The following MT1X variants were observed in gnomAD, a reference collection of about 807,000 sequenced individuals.
MT1X encodes metallothionein 1X.
In MT1X, 7 loss-of-function variants were observed where a neutral mutation model predicts 8.6. The observed-to-expected ratio is 0.81, with a 90% CI of 0.46 to 1.52. MT1X has a LOEUF of 1.52. Ranked by LOEUF, MT1X falls within the 40% of genes most tolerant of loss-of-function variation. MT1X has a pLI of 0.01. For missense variants in MT1X, 72 were observed against 74.3 expected (o/e 0.97, Z 0.11); for synonymous variants, 25 against 27.6 (o/e 0.91, Z 0.30).
intron 2 of MT1X, chr16:56,683,625 G>T: frequency 2.5e-6 from 1 of 397,146 alleles, no homozygotes; most frequent in South Asian, 2.8e-5. Flanking sequence ...GCCTTCCCCA[G>T]AACTGCTGTG....
chr16:56,683,343 C>A, intron 2 of MT1X, 113 bp downstream of exon 2: 3 of 1,229,146 alleles, frequency 2.4e-6, no homozygotes, highest in Non-Finnish European at 3.5e-6. Context: ...ACCCCTCCTT[C>A]AACACCTGAT....
chr16:56,683,086 G>T, intron 1 of MT1X, 79 bp from the exon 2 acceptor site: 4 of 1,546,124 alleles, frequency 2.6e-6, no homozygotes, highest in Non-Finnish European at 3.6e-6. Flanking sequence ...CAGAGGAGGG[G>T]TCACTGAAGC....
rs1218087637 is a variant in MT1X, at chr16:56,683,242, G to A, written c.94+12G>A. The A allele has an allele frequency of 1.2e-6, 2 of 1,613,602 alleles. No individual in the cohort carries two copies. The highest frequency in any genetic ancestry group is 1.7e-5 in the Admixed American group (1 of 59,982). Reference sequence around the variant, plus strand: ...CTCCTGCAAGAAGAGTGAGTGCAGGGCCTTCCCTGCGAATCTGGGGGATGG... The same window carrying A: ...CTCCTGCAAGAAGAGTGAGTGCAGGACCTTCCCTGCGAATCTGGGGGATGG... On this transcript the variant is annotated intron_variant, in intron 2 of 2. Transcript: ENST00000394485.
rs1961015426 is a variant in MT1X, at chr16:56,682,629, TC to T, written c.28+63del. On this transcript the variant is annotated intron_variant, in intron 1 of 2. Coordinates refer to ENST00000394485, the MANE Select transcript of MT1X (RefSeq NM_005952.4). ...GTTTCCCAGCCACAGTACAGACTCT[TC>T]CTGGGTTTGAAGAAGTCGCATTTAA... 1.9e-6 allele frequency: 3 copies of T among 1,598,842 alleles called. No homozygotes were observed. In the South Asian group the frequency reaches 3.3e-5, roughly 18 times the overall value.
intron 2 of MT1X, chr16:56,683,607 C>A (rs62038753): frequency 2.6e-6 from 1 of 385,128 alleles, no homozygotes; most frequent in Admixed American, 4.2e-5. Flanking sequence ...TAGCCCAGAG[C>A]TTCCCTAGCC....
In MT1X at chr16:56,683,183, C is replaced by T; in HGVS notation, c.47C>T (p.Ala16Val). ...CTTGCAGTTGGCTCCTGTGCCTGTG[C>T]CGGCTCCTGCAAATGCAAAGAGTGC... Reference protein sequence around the residue: ...SCSPVGSCACAGSCKCKECKC... With the variant: ...SCSPVGSCACVGSCKCKECKC... The change falls in exon 2 of 3, where the codon GCC becomes GTC. Residue 16 changes from alanine (A) to valine (V), a missense_variant. Transcript: ENST00000394485. The T allele has an allele frequency of 6.2e-7, 1 of 1,613,966 alleles. No homozygotes were observed. The highest frequency in any genetic ancestry group is 8.5e-7 in the Non-Finnish European group (1 of 1,179,888).
At chr16:56,683,554 C>T (rs912351767) in intron 2 of MT1X, 10 of 395,096 alleles carry the variant, frequency 2.5e-5, no homozygotes, top group Non-Finnish European at 4.2e-5. Flanking sequence ...TGGAAGACCC[C>T]GGGTGATTTC....
Position 56,684,104 on chromosome 16 carries a change from T to A in MT1X, c.*55T>A. 1 of 43,050 alleles carries A rather than the reference T, an allele frequency of 2.3e-5. No homozygotes were observed. Among genetic ancestry groups the A allele is most frequent in the Non-Finnish European group, 4.2e-5 (1 of 23,982 alleles). 2.7% of individuals were successfully genotyped at this position (43,050 alleles called of 1,614,324 possible). ...ATAGAGCAACCTATATAAACCTGGA[T>A]TTTTTTTTTTTTTTTTTTTGTACAA... On this transcript the variant is annotated 3_prime_UTR_variant, in exon 3 of 3. Transcript: ENST00000394485.
Position 56,683,011 on chromosome 16 carries a change from G to C in MT1X, c.29-154G>C. On this transcript the variant is annotated intron_variant, in intron 1 of 2. Transcript: ENST00000394485. Reference sequence around the variant, plus strand: ...TTGCCCTTCCCAAAATGAAGGGAGAGGAGATGGGGCTTCTCTTCCTCTCCC... The same window carrying C: ...TTGCCCTTCCCAAAATGAAGGGAGACGAGATGGGGCTTCTCTTCCTCTCCC... The C allele has an allele frequency of 1.0e-5, 9 of 868,978 alleles. No homozygotes were observed. In the South Asian group the frequency reaches 1.5e-4, roughly 14 times the overall value. 53.8% of individuals were successfully genotyped at this position (868,978 alleles called of 1,614,324 possible).
At position 56,682,575 on chromosome 16, in the gene MT1X, G is replaced by C; in HGVS notation, c.28+7G>C. 6.2e-7 allele frequency: 1 copy of C among 1,614,186 alleles called. No individual in the cohort carries two copies. ...AACTGCTCCTGCTCGCCTGGTAAGG[G>C]ACACCTAGCTCCGCGCCTTGGGATG... On this transcript the variant is annotated splice_region_variant and intron_variant, in intron 1 of 2. Transcript: ENST00000394485.
Position 56,682,520 on chromosome 16 carries a change from C to T in MT1X, c.-21C>T, listed in dbSNP as rs575561114. 1 of 1,614,076 alleles carries T rather than the reference C, an allele frequency of 6.2e-7. No homozygotes were observed. Among genetic ancestry groups the T allele is most frequent in the African/African-American group, 1.3e-5 (1 of 74,930 alleles). ...CGTGTTTTCCTCTTGATCGGGAACT[C>T]CTGCTTCTCCTTGCCTCGAAATGGA... On this transcript the variant is annotated 5_prime_UTR_variant, in exon 1 of 3. Transcript: ENST00000394485.
intron 2 of MT1X, 124 bp from the exon 3 acceptor site, chr16:56,683,834 G>A (rs1057043757): frequency 4.8e-5 from 67 of 1,390,730 alleles, no homozygotes; most frequent in Non-Finnish European, 6.5e-5. Flanking sequence ...TTCTGACAAA[G>A]CCATGCCATC....
At chr16:56,682,612 G>C in intron 1 of MT1X, 44 bp downstream of exon 1, 1 of 1,612,366 alleles carries the variant, frequency 6.2e-7, no homozygotes, top group Non-Finnish European at 8.5e-7. Context: ...CCGTTTCCCA[G>C]CCACAGTACA....
intron 1 of MT1X, chr16:56,682,920 T>C: frequency 1.7e-6 from 1 of 602,436 alleles, no homozygotes; most frequent in Non-Finnish European, 2.9e-6. Context: ...TGGCCTCCTG[T>C]CTTAGCCTTC....
Position 56,684,175 on chromosome 16 carries a change from G to A in MT1X, c.*126G>A, listed in dbSNP as rs2144369905. 4 of 1,176,076 alleles carry A rather than the reference G, an allele frequency of 3.4e-6. No homozygotes were observed. The South Asian group carries it at 6.3e-5, about 19-fold the overall frequency. The allele number at this position is 1,176,076 out of a possible 1,614,324, so 72.9% of individuals were successfully genotyped here. On this transcript the variant is annotated 3_prime_UTR_variant, in exon 3 of 3. Coordinates refer to ENST00000394485, the MANE Select transcript of MT1X (RefSeq NM_005952.4). The stretch of plus-strand genomic sequence containing the variant: ...CTTTTTTTCTATGAAATATGTGAAT[G>A]GCAATAAATTCATCTAGACTATTCT...
intron 2 of MT1X, chr16:56,683,747 C>T (rs1456302137): frequency 1.3e-5 from 9 of 666,968 alleles, no homozygotes; most frequent in Non-Finnish European, 2.3e-5. Flanking sequence ...GTCCAGTCTT[C>T]TGTCCTGTCC....
At chr16:56,683,656 C>G (rs540640151) in intron 2 of MT1X, 2 of 422,746 alleles carry the variant, frequency 4.7e-6, no homozygotes, top group Admixed American at 8.0e-5. Flanking sequence ...GCCCCCTGTC[C>G]GGCTGTGAAG....
In MT1X at chr16:56,682,546, C is replaced by G. The variant is rs745472410; in HGVS notation, c.6C>G (p.Asp2Glu). 2.2e-5 allele frequency: 35 copies of G among 1,614,114 alleles called. No homozygotes were observed. Among genetic ancestry groups the G allele is most frequent in the Non-Finnish European group, 3.0e-5 (35 of 1,180,046 alleles). ...CTGCTTCTCCTTGCCTCGAAATGGA[C>G]CCCAACTGCTCCTGCTCGCCTGGTA... is the stretch of plus-strand genomic sequence containing the variant. The part of the protein sequence containing the change: M[D>E]PNCSCSPVGS... Residue 2 changes from aspartate (D) to glutamate (E), a missense_variant, in exon 1 of 3, where the codon GAC becomes GAG. Coordinates refer to ENST00000394485, the MANE Select transcript of MT1X (RefSeq NM_005952.4).
At chr16:56,683,872 G>A (rs1961030990) in intron 2 of MT1X, 86 bp from the exon 3 acceptor site, 4 of 1,576,814 alleles carry the variant, frequency 2.5e-6, no homozygotes. Context: ...TGGGGCTGGA[G>A]GCAGGGCTCG....
Sources: allele counts gnomAD v4.1 joint callset, GRCh38; gene constraint gnomAD v4.1.1; transcripts MANE v1.5; gene names NCBI Gene and HGNC (gene_info 2026-07-23, HGNC 2026-07-21).